The following PODXL variants were observed in gnomAD, a reference collection of about 807,000 sequenced individuals.
PODXL encodes podocalyxin.
PODXL carries 20 observed loss-of-function variants against 48.9 expected under a neutral mutation model. The observed-to-expected ratio is 0.41, with a 90% CI of 0.29 to 0.59. PODXL has a LOEUF of 0.59. Ranked by LOEUF, PODXL falls within the 20% of genes least tolerant of loss-of-function variation. The pLI, the probability that PODXL is intolerant of heterozygous loss-of-function variation, is 0.31. For missense variants in PODXL, 606 were observed against 675.1 expected (o/e 0.90, Z 1.13); for synonymous variants, 295 against 287.4 (o/e 1.03, Z -0.27).
chr7:131,521,708 G>A (rs530287433), intron 1 of PODXL, among the ~76,000 whole-genome samples: 1 of 152,318 alleles, frequency 6.6e-6, no homozygotes, highest in East Asian at 1.9e-4. Flanking sequence ...CCTGTGAGCT[G>A]TAGGCATTGT....
chr7:131,531,074 T>TCAGTACGC (rs984768036), intron 1 of PODXL, among the ~76,000 whole-genome samples: 5 of 151,934 alleles, frequency 3.3e-5, no homozygotes, highest in African/African-American at 9.7e-5. Context: ...AAAAATTAAG[T>TCAGTACGC]CAGTACGCTT....
intron 1 of PODXL, among the ~76,000 whole-genome samples, chr7:131,516,270 G>A (rs1259440750): frequency 6.6e-6 from 1 of 152,248 alleles, no homozygotes; most frequent in Non-Finnish European, 1.5e-5. Context: ...GCTGGGCACG[G>A]TGGCTCACGC....
chr7:131,556,606 G>T lies in PODXL; in HGVS notation c.-247C>A, dbSNP rs1798753802. The T allele has an allele frequency of 2.7e-5, 8 of 298,336 alleles. 2 individuals are homozygous for T. The South Asian group carries it at 4.1e-4, about 15-fold the overall frequency. 18.5% of individuals were successfully genotyped at this position (298,336 alleles called of 1,614,324 possible). A position where few individuals can be genotyped will look rare whatever the true frequency, so the allele number is the denominator to read the frequency against. On this transcript the variant is annotated 5_prime_UTR_variant, in exon 1 of 9. Transcript: ENST00000378555. ...CGGCGGCGGCTGCGTCCTGGGCGGC[G>T]TCTGCGCGGCTGCGGCCCCACTGGC...
At chr7:131,508,875 G>A (rs1797856594) in intron 5 of PODXL, 76 bp downstream of exon 5, 1 of 1,034,272 alleles carries the variant, frequency 9.7e-7, no homozygotes, top group African/African-American at 1.6e-5. Flanking sequence ...CACCTAGAAA[G>A]AACATACATT....
chr7:131,524,823 C>T (rs1358972843), intron 1 of PODXL, among the ~76,000 whole-genome samples: 1 of 151,858 alleles, frequency 6.6e-6, no homozygotes, highest in Non-Finnish European at 1.5e-5. Flanking sequence ...TTTTATTTAC[C>T]ATCACCCAAA....
rs1798024272 is a variant in PODXL, at chr7:131,517,736, C to T, written c.101-6303G>A. 3.4e-5 allele frequency among the ~76,000 whole-genome samples: 5 copies of T among 146,956 alleles called. No individual in the cohort carries two copies. In the Admixed American group the frequency reaches 3.6e-4, roughly 11 times the overall value. On this transcript the variant is annotated intron_variant, in intron 1 of 8. Transcript: ENST00000378555. ...GGCTCCATCAACACAAGACCTTCCT[C>T]CTTGCGTAACTCTTTTTTTTTTTTG...
At chr7:131,525,426 C>CAAAA (rs57927217) in intron 1 of PODXL, among the ~76,000 whole-genome samples, 1,992 of 59,152 alleles carry the variant, frequency 0.034, 379 homozygotes, top group African/African-American at 0.055. Context: ...TCATCTCTAC[C>CAAAA]AAAAAAAAAA....
At chr7:131,518,656 G>T (rs904034169) in intron 1 of PODXL, among the ~76,000 whole-genome samples, 3 of 152,184 alleles carry the variant, frequency 2.0e-5, no homozygotes, top group African/African-American at 7.2e-5. Flanking sequence ...AATTTAACAG[G>T]CCACTTATCC....
At chr7:131,507,029 C>T in intron 5 of PODXL, 1 of 331,464 alleles carries the variant, frequency 3.0e-6, no homozygotes, top group South Asian at 4.5e-5. Context: ...TCCCTCCAAG[C>T]TGTTTGCGGA....
intron 1 of PODXL, among the ~76,000 whole-genome samples, chr7:131,536,854 G>A (rs7781498): frequency 0.058 from 8,780 of 152,312 alleles, 339 homozygotes; most frequent in East Asian, 0.22. Context: ...GCCAGGTGCA[G>A]TGGCTTACAC....
intron 1 of PODXL, chr7:131,520,319 C>T (rs375152773): frequency 3.0e-5 from 16 of 527,878 alleles, no homozygotes; most frequent in Non-Finnish European, 5.2e-5. Flanking sequence ...TCCAGATGTG[C>T]GCATTGATAC....
At chr7:131,543,199 T>G (rs1160989680) in intron 1 of PODXL, among the ~76,000 whole-genome samples, 3 of 152,198 alleles carry the variant, frequency 2.0e-5, no homozygotes, top group Non-Finnish European at 4.4e-5. Context: ...CATAGCTCAC[T>G]ACAGCCTCTC....
chr7:131,520,591 A>C (rs540938059), intron 1 of PODXL: 2 of 165,944 alleles, frequency 1.2e-5, no homozygotes, highest in African/African-American at 4.8e-5. Flanking sequence ...TACTTTTTTC[A>C]TAAAGAAACT....
intron 3 of PODXL, among the ~76,000 whole-genome samples, chr7:131,509,878 T>C (rs1797879421): frequency 6.6e-6 from 1 of 152,172 alleles, no homozygotes; most frequent in Admixed American, 6.5e-5. Context: ...CCCTATTTCA[T>C]AAACAAGGAA....
intron 8 of PODXL, among the ~76,000 whole-genome samples, chr7:131,505,310 T>C (rs1232015487): frequency 6.6e-6 from 1 of 152,198 alleles, no homozygotes; most frequent in Non-Finnish European, 1.5e-5. Context: ...AAAGAGCTCA[T>C]CTGACTGACT....
chr7:131,524,379 C>CAGAGAGAGAGAGAGAGAG (rs58163575), intron 1 of PODXL, among the ~76,000 whole-genome samples: 2,082 of 103,920 alleles, frequency 0.02, 69 homozygotes, highest in South Asian at 0.053. Flanking sequence ...CACACACACA[C>CAGAGAGAGAGAGAGAGAG]AGAGAGAGAG....
At chr7:131,554,622 T>G (rs1798716578) in intron 1 of PODXL, among the ~76,000 whole-genome samples, 1 of 152,202 alleles carries the variant, frequency 6.6e-6, no homozygotes, top group South Asian at 2.1e-4. Flanking sequence ...CTTTGCCCAC[T>G]GGTGACTTAT....
chr7:131,522,391 G>A (rs1182271417), intron 1 of PODXL, among the ~76,000 whole-genome samples: 1 of 152,154 alleles, frequency 6.6e-6, no homozygotes, highest in Non-Finnish European at 1.5e-5. Flanking sequence ...TTGCAGTGGA[G>A]CTGAGATTGT....
At chr7:131,532,270 T>C (rs183379775) in intron 1 of PODXL, among the ~76,000 whole-genome samples, 2,293 of 147,574 alleles carry the variant, frequency 0.016, 189 homozygotes, top group Admixed American at 0.14. Context: ...CCCGTCTCTA[T>C]TAAAAGTACA....
Sources: allele counts gnomAD v4.1 joint callset (sites outside exome capture counted in the v4.1 genomes callset), GRCh38; gene constraint gnomAD v4.1.1; transcripts MANE v1.5; gene names NCBI Gene and HGNC (gene_info 2026-07-23, HGNC 2026-07-21).